The following ATXN7L1 variants were observed in gnomAD, a reference collection of about 807,000 sequenced individuals.
The protein encoded by ATXN7L1 is ataxin-7-like protein 1.
A neutral mutation model predicts 70.8 loss-of-function variants in ATXN7L1; 15 were observed. The ratio of observed to expected loss-of-function variants is 0.21; its 90% CI spans 0.14 to 0.33. ATXN7L1 has a LOEUF of 0.33. ATXN7L1 is among the 10% of genes least tolerant of loss of function. ATXN7L1 has a pLI of 1.00. For missense variants in ATXN7L1, 975 were observed against 1,097.1 expected (o/e 0.89, Z 1.57); for synonymous variants, 440 against 445.1 (o/e 0.99, Z 0.14).
chr7:105,700,839 G>A (rs1792361334), intron 3 of ATXN7L1, among the ~76,000 whole-genome samples: 2 of 152,120 alleles, frequency 1.3e-5, no homozygotes, highest in East Asian at 1.9e-4. Context: ...ACACTACCGC[G>A]CCTGCCTAAT....
intron 2 of ATXN7L1, chr7:105,875,032 T>A (rs932333330): frequency 6.6e-6 from 1 of 152,536 alleles, no homozygotes; most frequent in Non-Finnish European, 1.5e-5. Flanking sequence ...TAGCAGCAAG[T>A]GGCCCCCGGA....
At chr7:105,665,367 ACACAACAGGCGGAGAGAAGCGC>A in intron 3 of ATXN7L1, 79 bp from the exon 4 acceptor site, 1 of 1,188,690 alleles carries the variant, frequency 8.4e-7, no homozygotes. Flanking sequence ...ACACTCAAAC[ACACAACAGGCGGAGAGAAGCGC>A]TTTCCCTACA....
chr7:105,752,970 G>A (rs1799382316), intron 3 of ATXN7L1, among the ~76,000 whole-genome samples: 1 of 152,216 alleles, frequency 6.6e-6, no homozygotes, highest in Non-Finnish European at 1.5e-5. Context: ...TGAAGACTCA[G>A]AAGTTTTCAC....
chr7:105,829,233 C>T (rs1421456181), intron 2 of ATXN7L1, among the ~76,000 whole-genome samples: 2 of 152,070 alleles, frequency 1.3e-5, no homozygotes, highest in East Asian at 3.9e-4. Context: ...ACCAGCCTGG[C>T]CAATATGGTG....
At chr7:105,613,823 C>T (rs745948093) in intron 10 of ATXN7L1, 39 bp downstream of exon 10, 15 of 1,551,578 alleles carry the variant, frequency 9.7e-6, no homozygotes, top group South Asian at 4.8e-5. Context: ...TCCCCCTGCC[C>T]CCCAGAGCCG....
intron 3 of ATXN7L1, among the ~76,000 whole-genome samples, chr7:105,741,505 G>A (rs367571647): frequency 2.6e-5 from 4 of 152,140 alleles, no homozygotes; most frequent in Non-Finnish European, 4.4e-5. Context: ...CGATGCCTCC[G>A]TGGTGAAAAT....
chr7:105,728,925 C>T (rs1449407835), intron 3 of ATXN7L1, among the ~76,000 whole-genome samples: 1 of 151,884 alleles, frequency 6.6e-6, no homozygotes, highest in Non-Finnish European at 1.5e-5. Context: ...ACCCAAAGTA[C>T]AAAATAAAGA....
chr7:105,829,525 G>A lies in ATXN7L1; in HGVS notation c.251-40817C>T, dbSNP rs571963245. ...TCAGAGAGAAAGCTCCTATGGGCCA[G>A]CATGGAGGAAGGAGGGGAAATACTG... is the stretch of plus-strand genomic sequence containing the variant. On this transcript the variant is annotated intron_variant, in intron 2 of 11. Coordinates refer to ENST00000419735, the MANE Select transcript of ATXN7L1 (RefSeq NM_020725.2). 4.6e-5 allele frequency among the ~76,000 whole-genome samples: 7 copies of A among 152,296 alleles called. No homozygotes were observed. In the East Asian group the frequency reaches 1.4e-3, roughly 29 times the overall value.
chr7:105,684,701 G>A (rs1003724244), intron 3 of ATXN7L1, among the ~76,000 whole-genome samples: 1 of 152,088 alleles, frequency 6.6e-6, no homozygotes, highest in Non-Finnish European at 1.5e-5. Context: ...CTGAAAACTC[G>A]ATCGGCCTGC....
chr7:105,791,568 A>G (rs1284505088), intron 2 of ATXN7L1, among the ~76,000 whole-genome samples: 2 of 152,240 alleles, frequency 1.3e-5, no homozygotes, highest in Non-Finnish European at 2.9e-5. Context: ...TTTTTGTAAC[A>G]TATATTCATT....
rs190978678 is a variant in ATXN7L1 at position 105,629,677 on chromosome 7, G to A, written c.1203-5410C>T. Among the ~76,000 whole-genome samples, 881 of 151,136 alleles carry A rather than the reference G, an allele frequency of 5.8e-3. 10 individuals are homozygous for A. The highest frequency in any genetic ancestry group is 0.02 in the African/African-American group (837 of 41,188). ...ACTACAGGCACCTGCCACCACGCCCGGCTAATTTTTTTGTATTTTTAGTAG... is the reference window on the plus strand; with the variant it reads ...ACTACAGGCACCTGCCACCACGCCCAGCTAATTTTTTTGTATTTTTAGTAG... On this transcript the variant is annotated intron_variant, in intron 7 of 11. Transcript: ENST00000419735.
chr7:105,649,649 C>T (rs764661418), intron 4 of ATXN7L1: 116 of 856,708 alleles, frequency 1.4e-4, no homozygotes, highest in African/African-American at 3.3e-4. Flanking sequence ...CTGCCAGCTA[C>T]GCTTTCCTGG....
At chr7:105,667,889 G>T (rs1048763398) in intron 3 of ATXN7L1, among the ~76,000 whole-genome samples, 4 of 152,102 alleles carry the variant, frequency 2.6e-5, no homozygotes, top group African/African-American at 7.2e-5. Context: ...TTCGGCAGAG[G>T]CTTCCAATAT....
At chr7:105,718,525 T>G (rs1425710394) in intron 3 of ATXN7L1, among the ~76,000 whole-genome samples, 1 of 152,240 alleles carries the variant, frequency 6.6e-6, no homozygotes, top group African/African-American at 2.4e-5. Context: ...TTTTGGTGTG[T>G]GTGCCTGGAG....
At chr7:105,744,403 G>A (rs1226023516) in intron 3 of ATXN7L1, among the ~76,000 whole-genome samples, 2 of 142,774 alleles carry the variant, frequency 1.4e-5, no homozygotes, top group South Asian at 4.9e-4. Context: ...AACATGCTCT[G>A]TGCCCACACC....
chr7:105,769,739 G>A (rs1801736614), intron 3 of ATXN7L1, among the ~76,000 whole-genome samples: 1 of 152,154 alleles, frequency 6.6e-6, no homozygotes, highest in East Asian at 1.9e-4. Flanking sequence ...AAGTGTCTCT[G>A]AGTTCCTGAA....
At chr7:105,857,187 T>C (rs1337161146) in intron 2 of ATXN7L1, among the ~76,000 whole-genome samples, 1 of 152,196 alleles carries the variant, frequency 6.6e-6, no homozygotes, top group Non-Finnish European at 1.5e-5. Context: ...CTTTCATTCA[T>C]TTTTCAAACA....
At position 105,638,388 on chromosome 7, in the gene ATXN7L1, A is replaced by C; in HGVS notation, c.1167T>G (p.Pro389=). ...CAGAGTTGGGTGGTCTGGATTTTGC[A>C]GGGGATGCAACTTTTGGTTCTGGCC... The part of the protein sequence containing the change: ...SSGPEPKVAS[P]AKSRPPNSVL... The change falls in exon 7 of 12, where the codon CCT becomes CCG. Residue 389 remains proline, a synonymous_variant. Transcript: ENST00000419735. 1 of 1,552,074 alleles carries C rather than the reference A, an allele frequency of 6.4e-7. No individual in the cohort carries two copies. Among genetic ancestry groups the C allele is most frequent in the Non-Finnish European group, 8.7e-7 (1 of 1,147,060 alleles).
chr7:105,796,266 G>A (rs1409439472), intron 2 of ATXN7L1, among the ~76,000 whole-genome samples: 9 of 152,346 alleles, frequency 5.9e-5, no homozygotes, highest in Non-Finnish European at 1.2e-4. Context: ...GGGAGGCTGA[G>A]GCAGGAGAAT....
Sources: allele counts gnomAD v4.1 joint callset (sites outside exome capture counted in the v4.1 genomes callset), GRCh38; gene constraint gnomAD v4.1.1; transcripts MANE v1.5; gene names NCBI Gene and HGNC (gene_info 2026-07-23, HGNC 2026-07-21).